Variants in INTS4 observed in about 807,000 individuals in gnomAD.
The protein encoded by INTS4 is integrator complex subunit 4, also known as MSTP093.
A neutral mutation model predicts 119.5 loss-of-function variants in INTS4; 70 were observed. The observed-to-expected ratio is 0.59, with a 90% CI of 0.48 to 0.71. INTS4 has a LOEUF of 0.71. Among genes scored for constraint, INTS4 ranks in the 30% least tolerant of loss-of-function variants. The pLI, the probability that INTS4 is intolerant of heterozygous loss-of-function variation, is 0.00. For missense variants in INTS4, 867 were observed against 1,173.2 expected (o/e 0.74, Z 3.81); for synonymous variants, 316 against 419.6 (o/e 0.75, Z 3.02).
Position 77,958,724 on chromosome 11 carries a change from G to A in INTS4, c.797+22C>T, listed in dbSNP as rs747118846. 8.0e-6 allele frequency: 12 copies of A among 1,500,992 alleles called. No individual in the cohort carries two copies. In the South Asian group the frequency reaches 1.4e-4, roughly 17 times the overall value. 93.0% of individuals were successfully genotyped at this position (1,500,992 alleles called of 1,614,324 possible). A position where few individuals can be genotyped will look rare whatever the true frequency, so the allele number is the denominator to read the frequency against. ...GAAAACGGCTTCACAATCAACAAAA[G>A]CCAGCTTACACCCACACTGACCTTT... On this transcript the variant is annotated intron_variant, in intron 7 of 22. Transcript: ENST00000534064.
chr11:77,985,741 G>A lies in INTS4; in HGVS notation c.247-4165C>T, dbSNP rs144109764. ...TGAGCAAATGAAAAAATAAGCAAATGGAAAACTTTAGCACTTACTATCTAC... is the reference window on the plus strand; with the variant it reads ...TGAGCAAATGAAAAAATAAGCAAATAGAAAACTTTAGCACTTACTATCTAC... On this transcript the variant is annotated intron_variant, in intron 2 of 22. Coordinates refer to ENST00000534064, the MANE Select transcript of INTS4 (RefSeq NM_033547.4). Among the ~76,000 whole-genome samples the A allele has an allele frequency of 9.9e-5, 15 of 152,232 alleles. No homozygotes were observed. In the East Asian group the frequency reaches 2.9e-3, roughly 29 times the overall value.
At position 77,938,471 on chromosome 11, in the gene INTS4, C is replaced by A. The variant is rs561792939; in HGVS notation, c.1165+180G>T. ...CTGAACCCAAATCTCTTGCTCTTTA[C>A]CATTGTCTCATACTACTGGGGCCTC... On this transcript the variant is annotated intron_variant, in intron 10 of 22. Transcript: ENST00000534064. Among the ~76,000 whole-genome samples the A allele has an allele frequency of 9.9e-5, 15 of 152,250 alleles. No individual in the cohort carries two copies. In the East Asian group the frequency reaches 2.9e-3, roughly 29 times the overall value.
intron 18 of INTS4, among the ~76,000 whole-genome samples, chr11:77,896,129 G>C (rs369204427): frequency 3.9e-5 from 6 of 152,012 alleles, no homozygotes; most frequent in African/African-American, 1.5e-4. Context: ...CAACAACCTC[G>C]GTGAGAGTTA....
Position 77,883,890 on chromosome 11 carries a change from A to G in INTS4, c.2655T>C (p.Pro885=). ...TGATGAGCCGGTGCCGCCCTGGGCC[A>G]GGATTCCGGAAGTCTGCAGGCTTGG... ...IHPKPADFRN[P]GPGRHRLITQ... Residue 885 remains proline (P), a synonymous_variant, in exon 22 of 23, where the codon CCT becomes CCC. Transcript: ENST00000534064. The G allele has an allele frequency of 6.2e-7, 1 of 1,613,192 alleles. No individual in the cohort carries two copies. Among genetic ancestry groups the G allele is most frequent in the Middle Eastern group, 1.6e-4 (1 of 6,062 alleles).
intron 15 of INTS4, among the ~76,000 whole-genome samples, chr11:77,908,579 G>A (rs746153318): frequency 9.2e-5 from 14 of 152,018 alleles, no homozygotes; most frequent in South Asian, 2.1e-4. Context: ...TGCCTGCCTC[G>A]GCCTCTCATA....
intron 10 of INTS4, among the ~76,000 whole-genome samples, chr11:77,930,479 A>G (rs1419123586): frequency 6.6e-6 from 1 of 152,206 alleles, no homozygotes; most frequent in Admixed American, 6.5e-5. Flanking sequence ...TCCTCCTAGA[A>G]TTTTATCCAT....
At chr11:77,939,499 G>A (rs1013122263) in intron 9 of INTS4, among the ~76,000 whole-genome samples, 5 of 151,772 alleles carry the variant, frequency 3.3e-5, no homozygotes, top group Non-Finnish European at 5.9e-5. Context: ...GCAACATTGC[G>A]TTCTATTTCA....
At chr11:77,883,696 T>G (rs1951879574) in intron 22 of INTS4, 136 bp downstream of exon 22, 6 of 946,674 alleles carry the variant, frequency 6.3e-6, no homozygotes, top group Non-Finnish European at 9.2e-6. Flanking sequence ...TGAGTGCTTA[T>G]AAACTCATTA....
intron 21 of INTS4, among the ~76,000 whole-genome samples, chr11:77,886,816 A>G (rs1952033823): frequency 6.6e-6 from 1 of 152,180 alleles, no homozygotes; most frequent in East Asian, 1.9e-4. Flanking sequence ...GCTCAACTAC[A>G]TGGAAACTGA....
intron 2 of INTS4, among the ~76,000 whole-genome samples, chr11:77,988,508 T>C (rs2136664246): frequency 6.6e-6 from 1 of 152,178 alleles, no homozygotes; most frequent in Middle Eastern, 3.4e-3. Flanking sequence ...AACAAGAAAT[T>C]ATACAGAATA....
chr11:77,965,104 C>A (rs1391939709), intron 4 of INTS4, among the ~76,000 whole-genome samples: 1 of 152,118 alleles, frequency 6.6e-6, no homozygotes, highest in East Asian at 1.9e-4. Flanking sequence ...TCCTCTGTCA[C>A]CTAGGCTGGA....
At chr11:77,919,769 G>A (rs1308012314) in intron 14 of INTS4, among the ~76,000 whole-genome samples, 1 of 152,142 alleles carries the variant, frequency 6.6e-6, no homozygotes. Context: ...GGATGGGGAG[G>A]AGAGAGCAAA....
At chr11:77,915,193 G>C (rs1484687950) in intron 15 of INTS4, 2 of 155,006 alleles carry the variant, frequency 1.3e-5, no homozygotes, top group African/African-American at 2.4e-5. Context: ...ATCATTTCTA[G>C]TGTGATCTCC....
intron 4 of INTS4, among the ~76,000 whole-genome samples, chr11:77,975,799 TA>T (rs1213821967): frequency 6.6e-6 from 1 of 151,532 alleles, no homozygotes; most frequent in Non-Finnish European, 1.5e-5. Context: ...CTACTAAAAA[TA>T]CAAAAATTAG....
Position 77,984,386 on chromosome 11 carries a change from C to T in INTS4, c.247-2810G>A, listed in dbSNP as rs11237345. On this transcript the variant is annotated intron_variant, in intron 2 of 22. Transcript: ENST00000534064. The stretch of plus-strand genomic sequence containing the variant: ...GTGCACGCCTATAGTCCCAGCTACT[C>T]GGGAGGCCGAGGCAGGAGAATCACT... Among the ~76,000 whole-genome samples, 803 of 151,572 alleles carry T rather than the reference C, an allele frequency of 5.3e-3. 9 individuals are homozygous for T. The highest frequency in any genetic ancestry group is 6.9e-3 in the Non-Finnish European group (469 of 67,830).
intron 18 of INTS4, among the ~76,000 whole-genome samples, chr11:77,897,477 T>C (rs1436084828): frequency 6.6e-6 from 1 of 151,500 alleles, no homozygotes; most frequent in Non-Finnish European, 1.5e-5. Context: ...CATAATCAGC[T>C]GAAACAAACC....
chr11:77,895,383 A>C (rs1427877282), intron 18 of INTS4, among the ~76,000 whole-genome samples: 1 of 152,028 alleles, frequency 6.6e-6, no homozygotes, highest in Non-Finnish European at 1.5e-5. Flanking sequence ...AGTCTCCATG[A>C]GTAGACTTTG....
Position 77,991,259 on chromosome 11 carries a change from T to C in INTS4, c.95A>G (p.Lys32Arg). 1.2e-6 allele frequency: 2 copies of C among 1,613,938 alleles called. No homozygotes were observed. The change falls in exon 2 of 23, where the codon AAA (lysine) becomes AGA (arginine). Residue 32 changes from lysine (K) to arginine (R), a missense_variant. Transcript: ENST00000534064. ...EIATKKLRLT[K>R]PSKSAALHID... ...GTGGAGTGCTGCAGATTTACTTGGT[T>C]TTGTTAGTCGGAGTTTCTTAGTAGC... is the stretch of plus-strand genomic sequence containing the variant.
chr11:77,894,815 C>A (rs1458780750), intron 18 of INTS4, among the ~76,000 whole-genome samples: 2 of 152,330 alleles, frequency 1.3e-5, no homozygotes, highest in African/African-American at 2.4e-5. Context: ...CAAGATCTAT[C>A]CAGTTTCAAG....
Sources: allele counts gnomAD v4.1 joint callset (sites outside exome capture counted in the v4.1 genomes callset), GRCh38; gene constraint gnomAD v4.1.1; transcripts MANE v1.5; gene names NCBI Gene and HGNC (gene_info 2026-07-23, HGNC 2026-07-21).